Variants in ABCA13 observed in about 807,000 individuals in gnomAD.
ABCA13 encodes the protein ATP-binding cassette sub-family A member 13.
ABCA13 carries 476 observed loss-of-function variants against 478.7 expected under a neutral mutation model. The ratio of observed to expected loss-of-function variants is 0.99; its 90% CI spans 0.92 to 1.07. The LOEUF (loss-of-function observed/expected upper bound fraction) is 1.07. ABCA13 is among the 50% of genes least tolerant of loss of function. The probability of loss-of-function intolerance (pLI) is 0.00; values close to 1 mark genes in which losing one functional copy is unlikely to be tolerated. For missense variants in ABCA13, 6,060 were observed against 5,910.6 expected (o/e 1.03, Z -0.83); for synonymous variants, 2,252 against 2,158.9 (o/e 1.04, Z -1.20).
intron 56 of ABCA13, among the ~76,000 whole-genome samples, chr7:48,581,212 G>C (rs1382108839): frequency 1.3e-5 from 2 of 152,158 alleles, no homozygotes; most frequent in Non-Finnish European, 2.9e-5. Context: ...GCGGGAGAGG[G>C]AAAATTCTAG....
At chr7:48,372,823 AT>A in intron 33 of ABCA13, among the ~76,000 whole-genome samples, 1 of 152,200 alleles carries the variant, frequency 6.6e-6, no homozygotes, top group East Asian at 1.9e-4. Context: ...TTCTAAAGCA[AT>A]TTTAGAAGTA....
intron 42 of ABCA13, among the ~76,000 whole-genome samples, chr7:48,445,838 A>G (rs1033184287): frequency 2.0e-5 from 3 of 152,078 alleles, no homozygotes; most frequent in Non-Finnish European, 4.4e-5. Context: ...CCTGGAATAT[A>G]GGTTTCTTGC....
intron 15 of ABCA13, among the ~76,000 whole-genome samples, chr7:48,258,734 T>C (rs375497411): frequency 2.9e-4 from 44 of 152,162 alleles, no homozygotes; most frequent in African/African-American, 1.0e-3. Context: ...TTCTAAATTT[T>C]TGATGCGGGT....
intron 33 of ABCA13, among the ~76,000 whole-genome samples, chr7:48,373,514 A>T (rs1475846480): frequency 6.6e-6 from 1 of 152,232 alleles, no homozygotes; most frequent in Non-Finnish European, 1.5e-5. Context: ...GTTATATTCC[A>T]TCAGTGTTTT....
chr7:48,251,549 A>G (rs541289202), intron 15 of ABCA13, among the ~76,000 whole-genome samples: 2 of 152,270 alleles, frequency 1.3e-5, no homozygotes, highest in South Asian at 2.1e-4. Flanking sequence ...TAACCACTCT[A>G]CTTTCTTTGG....
chr7:48,199,491 G>A (rs1798372913), intron 3 of ABCA13, among the ~76,000 whole-genome samples: 3 of 152,214 alleles, frequency 2.0e-5, no homozygotes, highest in African/African-American at 4.8e-5. Context: ...TCCTATTCAC[G>A]AAGGCTCTGT....
At chr7:48,252,829 C>T (rs903576897) in intron 15 of ABCA13, among the ~76,000 whole-genome samples, 4 of 152,132 alleles carry the variant, frequency 2.6e-5, no homozygotes, top group African/African-American at 9.7e-5. Flanking sequence ...GGAGATTTAT[C>T]TGGTTCCTTT....
chr7:48,235,661 G>T (rs1365419946), intron 8 of ABCA13, among the ~76,000 whole-genome samples: 1 of 152,124 alleles, frequency 6.6e-6, no homozygotes, highest in African/African-American at 2.4e-5. Flanking sequence ...GAGGTCAAGG[G>T]GACATACTGT....
intron 59 of ABCA13, among the ~76,000 whole-genome samples, chr7:48,623,318 C>A (rs186272145): frequency 5.6e-4 from 85 of 152,258 alleles, no homozygotes; most frequent in African/African-American, 2.0e-3. Flanking sequence ...GTTTTTATTT[C>A]TTCGTTATCC....
chr7:48,461,399 T>C (rs1350863108), intron 43 of ABCA13, among the ~76,000 whole-genome samples: 1 of 152,182 alleles, frequency 6.6e-6, no homozygotes, highest in Non-Finnish European at 1.5e-5. Flanking sequence ...ATTCTTCCTC[T>C]CAGTCATGGC....
In ABCA13 at chr7:48,646,464, C is replaced by G. The variant is rs1255306219; in HGVS notation, c.*952C>G. 1 of 152,130 alleles carries G rather than the reference C, an allele frequency of 6.6e-6. No individual in the cohort carries two copies. The highest frequency in any genetic ancestry group is 2.4e-5 in the African/African-American group (1 of 41,416). The allele number at this position is 152,130 out of a possible 1,614,324, so 9.4% of individuals were successfully genotyped here. ...AAGAACCAATGACCTAAGGGAATGT[C>G]TGGTTACCTCCTAGTTATACAAGCA... On this transcript the variant is annotated 3_prime_UTR_variant, in exon 62 of 62. Transcript: ENST00000435803.
intron 42 of ABCA13, among the ~76,000 whole-genome samples, chr7:48,430,737 G>A (rs1822038213): frequency 6.7e-6 from 1 of 149,552 alleles, no homozygotes; most frequent in South Asian, 2.1e-4. Context: ...AATAATTTGA[G>A]TCTTCTCCGT....
At chr7:48,296,523 G>A (rs987772694) in intron 21 of ABCA13, among the ~76,000 whole-genome samples, 8 of 150,690 alleles carry the variant, frequency 5.3e-5, no homozygotes, top group South Asian at 4.2e-4. Context: ...GCAGTGGCGC[G>A]ATCTCGGCTC....
intron 1 of ABCA13, among the ~76,000 whole-genome samples, chr7:48,179,130 A>G (rs934857618): frequency 5.3e-5 from 8 of 152,054 alleles, no homozygotes; most frequent in African/African-American, 1.9e-4. Flanking sequence ...TGGCCCAGAT[A>G]GGCCTGGGTT....
intron 48 of ABCA13, among the ~76,000 whole-genome samples, chr7:48,493,252 T>A (rs1160546030): frequency 1.3e-5 from 2 of 152,222 alleles, no homozygotes; most frequent in African/African-American, 4.8e-5. Context: ...TTGCACTATA[T>A]TTTAGGGTTA....
At chr7:48,348,097 G>A (rs1427278402) in intron 29 of ABCA13, among the ~76,000 whole-genome samples, 2 of 152,210 alleles carry the variant, frequency 1.3e-5, no homozygotes, top group African/African-American at 4.8e-5. Flanking sequence ...ACCATGCCAA[G>A]ATAAATTCTT....
chr7:48,196,836 T>C lies in ABCA13; in HGVS notation c.164-1401T>C, dbSNP rs139984509. The stretch of plus-strand genomic sequence containing the variant: ...TTGCTGACCCCTGAAGTCACCACCA[T>C]GTGGAAGATGTTCTGTGCCTGTCTT... On this transcript the variant is annotated intron_variant, in intron 2 of 61. Coordinates refer to ENST00000435803, the MANE Select transcript of ABCA13 (RefSeq NM_152701.5). Among the ~76,000 whole-genome samples, 542 of 152,202 alleles carry C rather than the reference T, an allele frequency of 3.6e-3. 6 individuals carry two copies. The highest frequency in any genetic ancestry group is 0.012 in the African/African-American group (513 of 41,518).
At chr7:48,611,201 TC>T (rs1791991383) in intron 58 of ABCA13, among the ~76,000 whole-genome samples, 3 of 152,308 alleles carry the variant, frequency 2.0e-5, no homozygotes, top group South Asian at 4.1e-4. Context: ...CCAATAAGTT[TC>T]TCATCTCTAT....
intron 7 of ABCA13, among the ~76,000 whole-genome samples, chr7:48,231,052 G>C (rs948613951): frequency 3.3e-4 from 50 of 152,020 alleles, no homozygotes; most frequent in Admixed American, 3.3e-3. Flanking sequence ...AATAGCTAAT[G>C]CATGCGGGTC....
Sources: allele counts gnomAD v4.1 joint callset (sites outside exome capture counted in the v4.1 genomes callset), GRCh38; gene constraint gnomAD v4.1.1; transcripts MANE v1.5; gene names NCBI Gene and HGNC (gene_info 2026-07-23, HGNC 2026-07-21).